Variants in ZNF407 observed in about 807,000 individuals in gnomAD.
ZNF407 encodes the protein zinc finger protein 407.
A neutral mutation model predicts 131.2 loss-of-function variants in ZNF407; 17 were observed. That is an observed-to-expected ratio of 0.13 (90% CI 0.09 to 0.19). The LOEUF (loss-of-function observed/expected upper bound fraction) is 0.19. Among genes scored for constraint, ZNF407 ranks in the 10% least tolerant of loss-of-function variants. The pLI, the probability that ZNF407 is intolerant of heterozygous loss-of-function variation, is 1.00. For missense variants in ZNF407, 2,681 were observed against 2,830.6 expected, an observed-to-expected ratio of 0.95 and a Z score of 1.20; for synonymous variants, 1,156 against 1,062.0, an observed-to-expected ratio of 1.09 and a Z score of -1.72.
At chr18:74,801,794 T>C (rs1272741222) in intron 4 of ZNF407, among the ~76,000 whole-genome samples, 3 of 152,146 alleles carry the variant, frequency 2.0e-5, no homozygotes, top group Non-Finnish European at 4.4e-5. Flanking sequence ...CAGTTACCGC[T>C]TAAATTGATG....
chr18:74,925,037 T>C (rs1971894476), intron 8 of ZNF407, among the ~76,000 whole-genome samples: 1 of 152,184 alleles, frequency 6.6e-6, no homozygotes, highest in Non-Finnish European at 1.5e-5. Context: ...TTGTTGTCTT[T>C]TCCAAAGGTA....
intron 8 of ZNF407, among the ~76,000 whole-genome samples, chr18:74,994,241 T>A (rs989727886): frequency 6.7e-6 from 1 of 149,410 alleles, no homozygotes; most frequent in Non-Finnish European, 1.5e-5. Context: ...AAATGGCTCA[T>A]AAAAAAAAAA....
chr18:74,599,176 A>G (rs749023720), intron 1 of ZNF407, among the ~76,000 whole-genome samples: 1 of 152,236 alleles, frequency 6.6e-6, no homozygotes, highest in Non-Finnish European at 1.5e-5. Flanking sequence ...AGTAGGAATT[A>G]TTCCCTTTTT....
Position 74,781,459 on chromosome 18 carries a change from A to T in ZNF407, c.4834A>T (p.Thr1612Ser), listed in dbSNP as rs759614466. The change falls in exon 4 of 9, where the codon ACT (threonine) becomes TCT (serine). Residue 1612 changes from threonine (T) to serine (S), a missense_variant. Thr to Ser is a moderately conservative substitution (Grantham distance 58, BLOSUM62 1). Around this residue, in one of 6 missense-constraint regions of ZNF407, gnomAD observed 213 missense variants for 332.2 expected, o/e 0.64. Transcript: ENST00000299687. ...TTTTGTAATGAAGAAGCACTTAAAT[A>T]CTCATCTACTAGGCAAGCATGGAGT... ...VAFVMKKHLNTHLLGKHGVGT... is the reference protein window; with the variant it reads ...VAFVMKKHLNSHLLGKHGVGT... 6.5e-7 allele frequency: 1 copy of T among 1,546,012 alleles called. No homozygotes were observed. The highest frequency in any genetic ancestry group is 2.0e-5 in the Admixed American group (1 of 50,212).
At chr18:74,793,376 A>G (rs1969861421) in intron 4 of ZNF407, among the ~76,000 whole-genome samples, 1 of 152,230 alleles carries the variant, frequency 6.6e-6, no homozygotes, top group South Asian at 2.1e-4. Context: ...ATGAATAAAT[A>G]AGGTAGTTTT....
In ZNF407 at chr18:74,632,052, C is replaced by T. The variant is rs1568131756; in HGVS notation, c.1033C>T (p.Leu345Phe). 1.2e-6 allele frequency: 2 copies of T among 1,613,748 alleles called. No individual in the cohort carries two copies. The highest frequency in any genetic ancestry group is 1.7e-5 in the Admixed American group (1 of 60,006). Residue 345 changes from leucine to phenylalanine, a missense_variant, in exon 2 of 9, where the codon CTT (leucine) becomes TTT (phenylalanine). This residue lies in a region of ZNF407 where 1,789 missense variants were observed against 1,748.7 expected (regional missense o/e 1.02). Transcript: ENST00000299687. ...ACAAAGTGGTAGTAGCAGTGAGCTTCTTGTTGAAATGATGCCTTCCAGAAA... is the reference window on the plus strand; with the variant it reads ...ACAAAGTGGTAGTAGCAGTGAGCTTTTTGTTGAAATGATGCCTTCCAGAAA... ...SKQSGSSSEL[L>F]VEMMPSRNTL...
Position 74,729,879 on chromosome 18 carries a change from T to G in ZNF407, c.4803-51549T>G, listed in dbSNP as rs571450851. Among the ~76,000 whole-genome samples the G allele has an allele frequency of 2.6e-5, 4 of 152,306 alleles. No homozygotes were observed. In the East Asian group the frequency reaches 7.7e-4, roughly 29 times the overall value. The stretch of plus-strand genomic sequence containing the variant: ...CTTGTGACAGTTTTGGCCGGCAATA[T>G]AGACAGAGGTAATTTGATCATAGAA... On this transcript the variant is annotated intron_variant, in intron 3 of 8. Transcript: ENST00000299687.
At chr18:74,968,985 T>C (rs192471532) in intron 8 of ZNF407, among the ~76,000 whole-genome samples, 2 of 152,308 alleles carry the variant, frequency 1.3e-5, no homozygotes, top group South Asian at 2.1e-4. Context: ...TGCCCCTCTG[T>C]TGGGGAATTG....
At chr18:75,003,664 G>A (rs940316379) in intron 8 of ZNF407, among the ~76,000 whole-genome samples, 4 of 152,172 alleles carry the variant, frequency 2.6e-5, no homozygotes, top group Non-Finnish European at 4.4e-5. Flanking sequence ...GCATGTTCAG[G>A]AGGTCACATA....
rs200984242 is a variant in ZNF407 at position 75,063,878 on chromosome 18, G to A, written c.6157G>A (p.Val2053Met). Residue 2053 changes from valine to methionine, a missense_variant, in exon 9 of 9, where the codon GTG (valine) becomes ATG (methionine). Physicochemically the swap from Val to Met is conservative, Grantham distance 21 (BLOSUM62 1). Coordinates refer to ENST00000299687, the MANE Select transcript of ZNF407 (RefSeq NM_017757.3). The surrounding 1 kb of genome is among the most constrained non-coding windows in gnomAD (Gnocchi z 6.6). ...FPQAQESPAA[V>M]EVLTQVVHPS... ...ACAGGCCCAGGAGAGCCCGGCCGCC[G>A]TGGAGGTGCTCACCCAGGTGGTCCA... The A allele has an allele frequency of 4.0e-5, 65 of 1,612,786 alleles. No homozygotes were observed. The Admixed American group carries it at 5.2e-4, about 13-fold the overall frequency.
intron 8 of ZNF407, among the ~76,000 whole-genome samples, chr18:74,969,451 T>A (rs895531388): frequency 6.6e-6 from 1 of 152,238 alleles, no homozygotes; most frequent in African/African-American, 2.4e-5. Flanking sequence ...CCTAATGTTA[T>A]GGGCCATGGT....
intron 4 of ZNF407, 50 bp from the exon 5 acceptor site, chr18:74,877,147 G>C (rs1568251578): frequency 6.4e-7 from 1 of 1,571,804 alleles, no homozygotes; most frequent in African/African-American, 1.4e-5. Flanking sequence ...GGGGCCTTCG[G>C]TGCTGGTGTG....
chr18:74,965,371 T>G (rs1408904057), intron 8 of ZNF407, among the ~76,000 whole-genome samples: 1 of 152,112 alleles, frequency 6.6e-6, no homozygotes, highest in African/African-American at 2.4e-5. Context: ...ATTGTTTTAA[T>G]TTTTAGATCC....
intron 8 of ZNF407, among the ~76,000 whole-genome samples, chr18:74,978,808 G>A (rs1299795650): frequency 6.6e-6 from 1 of 152,158 alleles, no homozygotes; most frequent in Non-Finnish European, 1.5e-5. Context: ...CATGGAGGTG[G>A]TCATTGAAGT....
chr18:74,863,785 A>G (rs1401785493), intron 4 of ZNF407, among the ~76,000 whole-genome samples: 2 of 152,204 alleles, frequency 1.3e-5, no homozygotes, highest in Non-Finnish European at 1.5e-5. Context: ...GTATGTAAGC[A>G]TGATGGAACC....
intron 8 of ZNF407, among the ~76,000 whole-genome samples, chr18:75,037,580 T>C (rs1026820548): frequency 2.0e-5 from 3 of 152,002 alleles, no homozygotes; most frequent in African/African-American, 7.3e-5. Flanking sequence ...CATTTCAGAG[T>C]TCCACAGAGC....
In ZNF407 at chr18:74,635,353, A is replaced by T; in HGVS notation, c.4334A>T (p.His1445Leu). 1 of 1,614,014 alleles carries T rather than the reference A, an allele frequency of 6.2e-7. No individual in the cohort carries two copies. Among genetic ancestry groups the T allele is most frequent in the Non-Finnish European group, 8.5e-7 (1 of 1,179,892 alleles). ...MKHPTKEKHF[H>L]CLLCGKSFYT... is the part of the protein sequence containing the mutation. Reference sequence around the variant, plus strand: ...CATCCTACAAAAGAGAAGCACTTCCATTGTTTACTCTGTGGAAAGTCGTTC... The same window carrying T: ...CATCCTACAAAAGAGAAGCACTTCCTTTGTTTACTCTGTGGAAAGTCGTTC... Residue 1445 changes from histidine (H) to leucine (L), a missense_variant, in exon 2 of 9, where the codon CAT (histidine) becomes CTT (leucine). Around this residue, in one of 6 missense-constraint regions of ZNF407, gnomAD observed 1,789 missense variants for 1,748.7 expected, o/e 1.02. Transcript: ENST00000299687. This position sits in a 1 kb window ranked among gnomAD's most constrained non-coding sequence, Gnocchi z 4.7.
In ZNF407 at chr18:75,004,521, G is replaced by A. The variant is rs547261761; in HGVS notation, c.5429-58629G>A. Among the ~76,000 whole-genome samples, 3 of 152,268 alleles carry A rather than the reference G, an allele frequency of 2.0e-5. No individual in the cohort carries two copies. In the South Asian group the frequency reaches 6.2e-4, roughly 32 times the overall value. On this transcript the variant is annotated intron_variant, in intron 8 of 8. Transcript: ENST00000299687. ...CTTCCTCGGGAATAAAACGAGAGCGGCATTGGGTGCGCAGAGCCAGGGTCA... is the reference window on the plus strand; with the variant it reads ...CTTCCTCGGGAATAAAACGAGAGCGACATTGGGTGCGCAGAGCCAGGGTCA...
Position 74,915,395 on chromosome 18 carries a change from C to T in ZNF407, c.5250-5119C>T, listed in dbSNP as rs571452460. On this transcript the variant is annotated intron_variant, in intron 7 of 8. Coordinates refer to ENST00000299687, the MANE Select transcript of ZNF407 (RefSeq NM_017757.3). The stretch of plus-strand genomic sequence containing the variant: ...GGTGAGGTTGTATGCAGCATTGGTT[C>T]GAATCAGGAGTGTGTGTGTGTGTGT... Among the ~76,000 whole-genome samples the T allele has an allele frequency of 6.2e-3, 501 of 81,174 alleles. 14 individuals are homozygous for T. Among genetic ancestry groups the T allele is most frequent in the Middle Eastern group, 0.061 (6 of 98 alleles). 53.3% of individuals were successfully genotyped at this position (81,174 alleles called of 152,430 possible).
Sources: gnomAD v4.1 joint callset for allele counts (sites outside exome capture counted in the v4.1 genomes callset) on GRCh38, gnomAD v4.1.1 for gene constraint, gnomAD v4.1.1 regional missense constraint, Gnocchi (gnomAD v3.1) non-coding constraint, MANE v1.5 for transcripts, NCBI Gene and HGNC (gene_info 2026-07-23, HGNC 2026-07-21) for gene names.